Variants in FRMPD4 observed in about 807,000 individuals in gnomAD.
FRMPD4 encodes the protein FERM and PDZ domain containing 4.
In FRMPD4, 22 loss-of-function variants were observed where a neutral mutation model predicts 94.1. That is an observed-to-expected ratio of 0.23 (90% CI 0.17 to 0.33). The LOEUF is 0.33. Among genes scored for constraint, FRMPD4 ranks in the 10% least tolerant of loss-of-function variants. The pLI is 1.00. For missense variants in FRMPD4, 1,111 were observed against 1,339.9 expected (o/e 0.83, Z 2.67); for synonymous variants, 631 against 548.6 (o/e 1.15, Z -2.10).
intron 1 of FRMPD4, among the ~76,000 whole-genome samples, chrX:12,245,532 T>TC (rs2053944580): frequency 3.3e-5 from 3 of 92,126 alleles, no homozygotes; most frequent in Non-Finnish European, 6.4e-5. Context: ...TTTTTTTTTT[T>TC]TCAAGGAGTT....
intron 1 of FRMPD4, among the ~76,000 whole-genome samples, chrX:12,142,673 GA>G (rs2055707613): frequency 8.9e-6 from 1 of 111,994 alleles, no homozygotes; most frequent in Admixed American, 9.5e-5. Flanking sequence ...CCTGTTTTAG[GA>G]ATATTTAACT....
chrX:12,585,101 A>G (rs1251257016), intron 2 of FRMPD4, among the ~76,000 whole-genome samples: 2 of 110,972 alleles, frequency 1.8e-5, no homozygotes, highest in African/African-American at 3.3e-5. Flanking sequence ...TATTTTTAGT[A>G]GACACGGGGC....
At chrX:11,876,530 A>T (rs1030419434) in intron 2 of FRMPD4, among the ~76,000 whole-genome samples, 3 of 111,724 alleles carry the variant, frequency 2.7e-5, no homozygotes, top group Non-Finnish European at 5.6e-5. Context: ...GCAATGGATG[A>T]TAGATACCAA....
At chrX:12,219,189 C>T (rs904150837) in intron 1 of FRMPD4, among the ~76,000 whole-genome samples, 10 of 111,387 alleles carry the variant, frequency 9.0e-5, no homozygotes, top group African/African-American at 2.6e-4. Flanking sequence ...AGCAACACGA[C>T]GAAATCTCGT....
At chrX:12,336,611 C>CA (rs776201653) in intron 1 of FRMPD4, among the ~76,000 whole-genome samples, 1 of 111,322 alleles carries the variant, frequency 9.0e-6, no homozygotes, top group East Asian at 2.8e-4. Flanking sequence ...AGACACTGTA[C>CA]AGGGAACCAT....
chrX:11,998,761 A>T (rs1304657807), intron 3 of FRMPD4, among the ~76,000 whole-genome samples: 1 of 111,991 alleles, frequency 8.9e-6, no homozygotes, highest in Non-Finnish European at 1.9e-5. Context: ...TATTGTTTTC[A>T]TTAGCTTTAT....
chrX:12,153,100 A>AT lies in FRMPD4; in HGVS notation c.41+14097dup, dbSNP rs778816631. 1.0e-4 allele frequency among the ~76,000 whole-genome samples: 11 copies of AT among 108,421 alleles called. No homozygotes were observed. In the South Asian group the frequency reaches 1.2e-3, roughly 12 times the overall value. 94.2% of individuals were successfully genotyped at this position (108,421 alleles called of 115,157 possible). On this transcript the variant is annotated intron_variant, in intron 1 of 16. Transcript: ENST00000675598. ...AGGCACCCGCCACCGCGCCCGGCTA[A>AT]TTTTTTTTTGTATTTTTAGTAGAGA...
At chrX:11,972,741 A>G (rs893070905) in intron 3 of FRMPD4, among the ~76,000 whole-genome samples, 1 of 112,551 alleles carries the variant, frequency 8.9e-6, no homozygotes, top group African/African-American at 3.2e-5. Flanking sequence ...TAAAGCACAT[A>G]ATGGGTGCCT....
chrX:12,024,160 CT>C lies in FRMPD4; in HGVS notation c.95+146149del, dbSNP rs1304402189. On this transcript the variant is annotated intron_variant, in intron 3 of 18. Transcript: ENST00000640291. ...CTCTAGCTAAGCTCTGAAAGATTGT[CT>C]TTTTTTAGTTCTCACCATGAAGGTT... Among the ~76,000 whole-genome samples, 3 of 111,713 alleles carry C rather than the reference CT, an allele frequency of 2.7e-5. No individual in the cohort carries two copies. In the East Asian group the frequency reaches 8.4e-4, roughly 31 times the overall value.
chrX:11,848,544 C>A (rs1355621333), intron 1 of FRMPD4, among the ~76,000 whole-genome samples: 1 of 106,930 alleles, frequency 9.4e-6, no homozygotes, highest in African/African-American at 3.4e-5. Context: ...TCTTGTATCT[C>A]CTTTGCACAT....
At chrX:12,553,596 C>A (rs2148333629) in intron 2 of FRMPD4, among the ~76,000 whole-genome samples, 1 of 107,317 alleles carries the variant, frequency 9.3e-6, no homozygotes, top group East Asian at 2.9e-4. Context: ...ACCAGTCCCC[C>A]ACCCCAGCCA....
At chrX:12,077,126 G>A (rs1317986626) in intron 3 of FRMPD4, among the ~76,000 whole-genome samples, 1 of 111,538 alleles carries the variant, frequency 9.0e-6, no homozygotes, top group Non-Finnish European at 1.9e-5. Flanking sequence ...CAGAGTTTGA[G>A]TCAAATGTTC....
In FRMPD4 at chrX:12,101,199, G is replaced by GTA. The variant is rs759237698; in HGVS notation, c.95+223191_95+223192dup. Among the ~76,000 whole-genome samples the GTA allele has an allele frequency of 1.2e-4, 13 of 110,598 alleles. No homozygotes were observed. In the South Asian group the frequency reaches 1.6e-3, roughly 13 times the overall value. On this transcript the variant is annotated intron_variant, in intron 3 of 18. Coordinates refer to the FRMPD4 transcript ENST00000640291. The stretch of plus-strand genomic sequence containing the variant: ...CCATAGGTTGCCATTCAGTTCTTGG[G>GTA]TATATATATATCCATTGATGGTCAT...
rs1425089225 is a variant in FRMPD4 at position 12,204,933 on chromosome X, A to G, written c.41+65921A>G. Among the ~76,000 whole-genome samples the G allele has an allele frequency of 2.7e-5, 3 of 110,413 alleles. No individual in the cohort carries two copies. The East Asian group carries it at 8.5e-4, about 31-fold the overall frequency. ...CCTGTTGTAAATTGCCCCATTCATG[A>G]ATTAGGCTAATGATTGTCTTTCTTT... On this transcript the variant is annotated intron_variant, in intron 1 of 16. Coordinates refer to ENST00000675598, the MANE Select transcript of FRMPD4 (RefSeq NM_001368397.1).
intron 2 of FRMPD4, among the ~76,000 whole-genome samples, chrX:12,556,465 A>T (rs1437726048): frequency 9.0e-6 from 1 of 111,330 alleles, no homozygotes; most frequent in African/African-American, 3.3e-5. Context: ...TCACTCCTAC[A>T]GTCACAAGGA....
chrX:12,129,182 A>C (rs2055525750), intron 3 of FRMPD4, among the ~76,000 whole-genome samples: 2 of 111,841 alleles, frequency 1.8e-5, no homozygotes, highest in African/African-American at 6.5e-5. Flanking sequence ...GTCCATTCTC[A>C]TGTGGCTATG....
At chrX:12,312,545 G>C (rs186961610) in intron 1 of FRMPD4, among the ~76,000 whole-genome samples, 4 of 110,689 alleles carry the variant, frequency 3.6e-5, no homozygotes, top group Non-Finnish European at 7.6e-5. Context: ...GAGCCACCGC[G>C]CCTGGCCCTC....
At chrX:11,971,765 G>A (rs1287114535) in intron 3 of FRMPD4, among the ~76,000 whole-genome samples, 1 of 112,162 alleles carries the variant, frequency 8.9e-6, no homozygotes, top group East Asian at 2.8e-4. Flanking sequence ...CCAAGAAGGG[G>A]ACACTATTTT....
At chrX:11,984,422 C>A (rs959921063) in intron 3 of FRMPD4, among the ~76,000 whole-genome samples, 22 of 112,173 alleles carry the variant, frequency 2.0e-4, no homozygotes, top group African/African-American at 7.1e-4. Context: ...GTTTCATTCT[C>A]CTGTTATAAT....
Sources: allele counts gnomAD v4.1 joint callset (sites outside exome capture counted in the v4.1 genomes callset), GRCh38; gene constraint gnomAD v4.1.1; transcripts MANE v1.5; gene names NCBI Gene and HGNC (gene_info 2026-07-23, HGNC 2026-07-21).